Variants in DMD observed in about 807,000 individuals in gnomAD.
The protein encoded by DMD is dystrophin.
Under a neutral mutation model 330.1 loss-of-function variants are expected in DMD, and 63 were observed. That is an observed-to-expected ratio of 0.19 (90% confidence interval 0.16 to 0.24). The LOEUF (loss-of-function observed/expected upper bound fraction) is 0.24. DMD is among the 10% of genes least tolerant of loss of function. DMD has a pLI of 1.00. For synonymous variants in DMD, 1,223 were observed against 959.8 expected (o/e 1.27, Z -5.07); for missense variants, 3,344 against 2,684.1 (o/e 1.25, Z -5.43).
chrX:32,462,742 G>A (rs554356541), intron 25 of DMD, among the ~76,000 whole-genome samples: 4 of 110,766 alleles, frequency 3.6e-5, no homozygotes, highest in South Asian at 3.9e-4. Flanking sequence ...CATTGTTTGA[G>A]CCCAGGAATT....
intron 55 of DMD, among the ~76,000 whole-genome samples, chrX:31,586,584 C>G (rs917607393): frequency 8.9e-6 from 1 of 112,328 alleles, no homozygotes; most frequent in African/African-American, 3.2e-5. Flanking sequence ...CTTGACTATT[C>G]CTGTTTATAT....
intron 44 of DMD, among the ~76,000 whole-genome samples, chrX:32,005,622 A>G (rs186208001): frequency 9.0e-6 from 1 of 111,100 alleles, no homozygotes; most frequent in East Asian, 2.8e-4. Flanking sequence ...GGAGAACTAC[A>G]GAGATGGGGG....
chrX:33,005,295 C>CACACACACAT (rs2093370710), intron 2 of DMD, among the ~76,000 whole-genome samples: 1 of 82,355 alleles, frequency 1.2e-5, no homozygotes. Flanking sequence ...CACACACACA[C>CACACACACAT]GCATATATAT....
At chrX:32,477,817 A>T (rs1374723980) in intron 21 of DMD, among the ~76,000 whole-genome samples, 1 of 111,133 alleles carries the variant, frequency 9.0e-6, no homozygotes, top group Non-Finnish European at 1.9e-5. Flanking sequence ...GAGAAGGAAG[A>T]CGTAACTGTG....
At chrX:31,578,853 C>T (rs1045687765) in intron 55 of DMD, among the ~76,000 whole-genome samples, 5 of 112,235 alleles carry the variant, frequency 4.5e-5, no homozygotes, top group Non-Finnish European at 7.5e-5. Context: ...ACAACAACCA[C>T]GTATCTTGTT....
intron 44 of DMD, among the ~76,000 whole-genome samples, chrX:31,997,797 A>G (rs998245059): frequency 1.4e-4 from 16 of 111,412 alleles, no homozygotes; most frequent in African/African-American, 4.9e-4. Context: ...CTGTCAGTAG[A>G]TGTATATTCT....
At position 32,969,347 on chromosome X, in the gene DMD, T is replaced by A. The variant is rs1250125283; in HGVS notation, c.93+50792A>T. On this transcript the variant is annotated intron_variant, in intron 2 of 78. Coordinates refer to ENST00000357033, the MANE Select transcript of DMD (RefSeq NM_004006.3). ...TCTCACGTGCTACCACATACATAGATAAAATATGTATGTATTTTATACATA... is the reference window on the plus strand; with the variant it reads ...TCTCACGTGCTACCACATACATAGAAAAAATATGTATGTATTTTATACATA... Among the ~76,000 whole-genome samples, 2 of 93,123 alleles carry A rather than the reference T, an allele frequency of 2.1e-5. 1 individual carries two copies. Among genetic ancestry groups the A allele is most frequent in the Non-Finnish European group, 4.1e-5 (2 of 49,136 alleles). 80.9% of individuals were successfully genotyped at this position (93,123 alleles called of 115,157 possible). A position where few individuals can be genotyped will look rare whatever the true frequency, so the allele number is the denominator to read the frequency against.
chrX:32,978,929 A>G (rs1175476415), intron 2 of DMD, among the ~76,000 whole-genome samples: 1 of 112,256 alleles, frequency 8.9e-6, no homozygotes, highest in Non-Finnish European at 1.9e-5. Context: ...TTTAAACACA[A>G]TCTCACATAA....
intron 44 of DMD, among the ~76,000 whole-genome samples, chrX:32,115,849 TCTGAA>T (rs1168491858): frequency 1.8e-5 from 2 of 111,628 alleles, no homozygotes; most frequent in Non-Finnish European, 3.8e-5. Context: ...TCCACCCTAG[TCTGAA>T]CCACCTCTGA....
rs2148419259 is a variant in DMD, at chrX:32,463,538, A to G, written c.3333T>C (p.Gly1111=). ...CTGCTTCATTCTTTATCTTCTGCCCACCTTCATTGACACTGTTTAGACTGG... is the reference window on the plus strand; with the variant it reads ...CTGCTTCATTCTTTATCTTCTGCCCGCCTTCATTGACACTGTTTAGACTGG... ...IQPSLNSVNE[G]GQKIKNEAEP... is the part of the protein sequence containing the mutation. The change falls in exon 25 of 79, where the codon GGT becomes GGC. Residue 1111 remains glycine (G), a synonymous_variant. Coordinates refer to ENST00000357033, the MANE Select transcript of DMD (RefSeq NM_004006.3). The G allele has an allele frequency of 1.7e-6, 2 of 1,200,727 alleles. No individual in the cohort carries two copies. Among genetic ancestry groups the G allele is most frequent in the South Asian group, 3.6e-5 (2 of 55,198 alleles).
chrX:31,736,229 G>C (rs1010567402), intron 51 of DMD, among the ~76,000 whole-genome samples: 3 of 111,887 alleles, frequency 2.7e-5, no homozygotes, highest in Non-Finnish European at 5.6e-5. Flanking sequence ...TTTCTGGAAG[G>C]AGCAGTTATG....
intron 55 of DMD, among the ~76,000 whole-genome samples, chrX:31,592,669 T>C (rs1253427979): frequency 9.1e-6 from 1 of 109,988 alleles, no homozygotes; most frequent in Non-Finnish European, 1.9e-5. Context: ...ATTATTTAAT[T>C]ATACTCATGG....
At chrX:32,443,333 T>A (rs1299560213) in intron 27 of DMD, among the ~76,000 whole-genome samples, 3 of 110,811 alleles carry the variant, frequency 2.7e-5, no homozygotes, top group Non-Finnish European at 5.7e-5. Flanking sequence ...CGTACCAACC[T>A]TTCATACCTG....
chrX:31,666,739 T>C (rs1452168110), intron 53 of DMD, among the ~76,000 whole-genome samples: 2 of 112,103 alleles, frequency 1.8e-5, no homozygotes, highest in African/African-American at 3.2e-5. Context: ...ATATATTCTA[T>C]AGGACAGAAC....
At position 32,099,334 on chromosome X, in the gene DMD, C is replaced by T. The variant is rs924349196; in HGVS notation, c.6438+117582G>A. Among the ~76,000 whole-genome samples, 8 of 110,924 alleles carry T rather than the reference C, an allele frequency of 7.2e-5. No homozygotes were observed. The East Asian group carries it at 8.6e-4, about 12-fold the overall frequency. Reference sequence around the variant, plus strand: ...CTGTTCATTGTGGAAGGCAGTGTGGCGATTCCTCAGGGGCCTAGAACTAGA... The same window carrying T: ...CTGTTCATTGTGGAAGGCAGTGTGGTGATTCCTCAGGGGCCTAGAACTAGA... On this transcript the variant is annotated intron_variant, in intron 44 of 78. Coordinates refer to ENST00000357033, the MANE Select transcript of DMD (RefSeq NM_004006.3).
At chrX:33,070,786 C>T (rs927996134) in intron 1 of DMD, among the ~76,000 whole-genome samples, 5 of 100,701 alleles carry the variant, frequency 5.0e-5, no homozygotes, top group Non-Finnish European at 8.0e-5. Flanking sequence ...TTTTTTCAAG[C>T]GGGAGAATGA....
At chrX:31,293,194 A>AGTGTGTGTGTGTGTGTG in intron 62 of DMD, among the ~76,000 whole-genome samples, 1 of 40,216 alleles carries the variant, frequency 2.5e-5, no homozygotes, top group African/African-American at 2.0e-4. Context: ...GTGTGTGTGT[A>AGTGTGTGTGTGTGTGTG]GTCTGGTTTA....
chrX:31,366,936 G>C (rs1282747832), intron 60 of DMD, among the ~76,000 whole-genome samples: 1 of 110,077 alleles, frequency 9.1e-6, no homozygotes, highest in Non-Finnish European at 1.9e-5. Flanking sequence ...TCTAAATTAG[G>C]GGGTCCCTCT....
intron 9 of DMD, among the ~76,000 whole-genome samples, chrX:32,658,164 C>CT (rs2060708718): frequency 9.0e-6 from 1 of 111,008 alleles, no homozygotes; most frequent in Admixed American, 9.6e-5. Context: ...TGGAATTTTG[C>CT]TTTTTTTCTC....
Sources: allele counts gnomAD v4.1 joint callset (sites outside exome capture counted in the v4.1 genomes callset), GRCh38; gene constraint gnomAD v4.1.1; transcripts MANE v1.5; gene names NCBI Gene and HGNC (gene_info 2026-07-23, HGNC 2026-07-21).